ACACB: variants seen among roughly 807,000 people sequenced by gnomAD.
The protein encoded by ACACB is acetyl-CoA carboxylase beta, also known as acetyl-CoA carboxylase 2.
A neutral mutation model predicts 278.8 loss-of-function variants in ACACB; 209 were observed. The observed-to-expected ratio is 0.75, with a 90% confidence interval of 0.67 to 0.84. The LOEUF is 0.84. ACACB is among the 40% of genes least tolerant of loss of function. The probability of loss-of-function intolerance (pLI) is 0.00; values close to 1 mark genes in which losing one functional copy is unlikely to be tolerated. For missense variants in ACACB, 2,850 were observed against 3,269.0 expected, an observed-to-expected ratio of 0.87 and a Z score of 3.13; for synonymous variants, 1,174 against 1,285.6, an observed-to-expected ratio of 0.91 and a Z score of 1.86.
intron 1 of ACACB, among the ~76,000 whole-genome samples, chr12:109,127,996 T>A (rs1254999669): frequency 1.3e-5 from 2 of 152,192 alleles, no homozygotes; most frequent in African/African-American, 2.4e-5. Flanking sequence ...CTGCTTGAGA[T>A]GTCCTGCTCC....
At chr12:109,132,299 G>A (rs2042849138) in intron 1 of ACACB, among the ~76,000 whole-genome samples, 1 of 152,058 alleles carries the variant, frequency 6.6e-6, no homozygotes, top group Non-Finnish European at 1.5e-5. Context: ...CAAGTAGCTG[G>A]GATTACAGGC....
At chr12:109,249,256 G>A (rs1407649210) in intron 40 of ACACB, 1 of 152,176 alleles carries the variant, frequency 6.6e-6, no homozygotes, top group African/African-American at 2.4e-5. Context: ...GCAGGCAGGG[G>A]AAGTCAGTTA....
chr12:109,176,065 A>G (rs1389825894), intron 8 of ACACB, 25 bp downstream of exon 8: 19 of 1,612,888 alleles, frequency 1.2e-5, no homozygotes, highest in Non-Finnish European at 1.6e-5. Context: ...TGTGGGGGCC[A>G]GGGGAGCCAG....
At position 109,191,834 on chromosome 12, in the gene ACACB, C is replaced by T. The variant is rs758762900; in HGVS notation, c.2296-13C>T. 1 of 1,614,160 alleles carries T rather than the reference C, an allele frequency of 6.2e-7. No homozygotes were observed. The highest frequency in any genetic ancestry group is 8.5e-7 in the Non-Finnish European group (1 of 1,180,040). On this transcript the variant is annotated splice_polypyrimidine_tract_variant and intron_variant, in intron 14 of 52. Transcript: ENST00000338432. ...TCGGCTTCCTGAGGATACTGAAGTG[C>T]ATTTTCTCCTAGGCGGAGAAACCGG...
At chr12:109,169,142 CA>C (rs34104231) in intron 4 of ACACB, among the ~76,000 whole-genome samples, 14,215 of 105,594 alleles carry the variant, frequency 0.13, 1,319 homozygotes, top group African/African-American at 0.33. Flanking sequence ...GAGACTGTCT[CA>C]AAAAAAAAAA....
chr12:109,150,432 C>G (rs1351133179), intron 2 of ACACB, among the ~76,000 whole-genome samples: 1 of 152,162 alleles, frequency 6.6e-6, no homozygotes, highest in Non-Finnish European at 1.5e-5. Flanking sequence ...ATTGAAAAGG[C>G]AGGTGAAGTG....
rs1409090027 is a variant in ACACB at position 109,241,426 on chromosome 12, G to A, written c.5022+145G>A. On this transcript the variant is annotated intron_variant, in intron 36 of 52. Coordinates refer to ENST00000338432, the MANE Select transcript of ACACB (RefSeq NM_001093.4). ...TGGGTTGGGGTAGCCCCCTCTGAGT[G>A]TTATGTTAAATGTGTTAGCCTTTGA... The A allele has an allele frequency of 3.9e-6, 3 of 766,754 alleles. No homozygotes were observed. In the East Asian group the frequency reaches 7.7e-5, roughly 20 times the overall value. 47.5% of individuals were successfully genotyped at this position (766,754 alleles called of 1,614,324 possible).
In ACACB at chr12:109,262,436, G is replaced by T; in HGVS notation, c.6754G>T (p.Asp2252Tyr). 6.2e-7 allele frequency: 1 copy of T among 1,613,698 alleles called. No homozygotes were observed. Among genetic ancestry groups the T allele is most frequent in the Non-Finnish European group, 8.5e-7 (1 of 1,179,902 alleles). The part of the protein sequence containing the change: ...KDLIKSMRRI[D>Y]PAYKKLMEQL... ...TCTGATAAAGTCCATGAGAAGGATCGATCCAGCTTACAAGAAGCTCATGGA... is the reference window on the plus strand; with the variant it reads ...TCTGATAAAGTCCATGAGAAGGATCTATCCAGCTTACAAGAAGCTCATGGA... The change falls in exon 49 of 53, where the codon GAT becomes TAT. Residue 2252 changes from aspartate (D) to tyrosine (Y), a missense_variant. By Grantham distance (160) the Asp-to-Tyr change is radical (BLOSUM62 -3). Around this residue, in one of 3 missense-constraint regions of ACACB, gnomAD observed 579 missense variants for 684.6 expected, o/e 0.85. Transcript: ENST00000338432.
At chr12:109,143,093 C>T (rs73197464) in intron 2 of ACACB, among the ~76,000 whole-genome samples, 4,595 of 152,122 alleles carry the variant, frequency 0.03, 116 homozygotes, top group Non-Finnish European at 0.045. Context: ...ATATGGTGAA[C>T]GAAGGAGTGA....
chr12:109,185,466 T>C, intron 11 of ACACB, 113 bp from the exon 12 acceptor site: 2 of 1,139,974 alleles, frequency 1.8e-6, no homozygotes, highest in Non-Finnish European at 2.6e-6. Context: ...GAGTAGTGTC[T>C]GTATATCCTA....
At chr12:109,187,177 AAAGG>A (rs1363177861) in intron 12 of ACACB, among the ~76,000 whole-genome samples, 1 of 151,956 alleles carries the variant, frequency 6.6e-6, no homozygotes, top group East Asian at 1.9e-4. Context: ...AGGAGAGAAG[AAAGG>A]AAGGAAATAC....
At chr12:109,201,769 G>C in intron 19 of ACACB, 68 bp downstream of exon 19, 1 of 1,572,364 alleles carries the variant, frequency 6.4e-7, no homozygotes, top group South Asian at 1.2e-5. Flanking sequence ...CTGGTTCAGT[G>C]AGACAGGTGG....
intron 37 of ACACB, 91 bp from the exon 38 acceptor site, chr12:109,245,535 C>T (rs966032526): frequency 7.2e-7 from 1 of 1,391,002 alleles, no homozygotes; most frequent in Non-Finnish European, 9.7e-7. Context: ...AGAATTCACC[C>T]TGGAATCATG....
At position 109,247,620 on chromosome 12, in the gene ACACB, G is replaced by C; in HGVS notation, c.5586G>C (p.Leu1862=). 6.2e-7 allele frequency: 1 copy of C among 1,613,310 alleles called. No homozygotes were observed. Among genetic ancestry groups the C allele is most frequent in the Non-Finnish European group, 8.5e-7 (1 of 1,179,554 alleles). The change falls in exon 40 of 53, where the codon CTG becomes CTC. Residue 1862 remains leucine, a synonymous_variant. Transcript: ENST00000338432. Reference sequence around the variant, plus strand: ...TATTTTTTAAGGGATTTAAATACCTGTACCTGACTCCCCAAGACTACACCA... The same window carrying C: ...TATTTTTTAAGGGATTTAAATACCTCTACCTGACTCCCCAAGACTACACCA... The part of the protein sequence containing the change: ...PEDPHKGFKY[L]YLTPQDYTRI...
intron 35 of ACACB, 150 bp from the exon 36 acceptor site, chr12:109,240,928 G>A (rs2046778360): frequency 1.4e-6 from 1 of 707,994 alleles, no homozygotes; most frequent in South Asian, 1.8e-5. Context: ...GCCGTTGCTT[G>A]TTATTAGTTA....
intron 2 of ACACB, among the ~76,000 whole-genome samples, chr12:109,143,462 CAAAAA>C (rs10696128): frequency 3.2e-4 from 33 of 104,028 alleles, no homozygotes; most frequent in Admixed American, 6.3e-4. Flanking sequence ...GACCCTGTCT[CAAAAA>C]AAAAAAAAAA....
chr12:109,234,893 C>T (rs796662809), intron 31 of ACACB, among the ~76,000 whole-genome samples: 10 of 150,982 alleles, frequency 6.6e-5, no homozygotes, highest in African/African-American at 1.9e-4. Context: ...CAAGCCTGCA[C>T]GTTCTGCACA....
intron 21 of ACACB, among the ~76,000 whole-genome samples, chr12:109,210,517 A>G (rs576278893): frequency 4.7e-5 from 7 of 148,986 alleles, no homozygotes; most frequent in Non-Finnish European, 5.9e-5. Context: ...ATACGCACAT[A>G]CATGTGTATA....
At chr12:109,251,225 T>C (rs369117026) in intron 41 of ACACB, among the ~76,000 whole-genome samples, 1 of 152,160 alleles carries the variant, frequency 6.6e-6, no homozygotes, top group East Asian at 1.9e-4. Context: ...TATCAGGAGA[T>C]TGCCTTTCCC....
Sources: gnomAD v4.1 joint callset for allele counts (sites outside exome capture counted in the v4.1 genomes callset) on GRCh38, gnomAD v4.1.1 for gene constraint, gnomAD v4.1.1 regional missense constraint, MANE v1.5 for transcripts, NCBI Gene and HGNC (gene_info 2026-07-23, HGNC 2026-07-21) for gene names.